ZNF248: variants seen among roughly 807,000 people sequenced by gnomAD.
ZNF248 encodes zinc finger protein 248.
ZNF248 carries 20 observed loss-of-function variants against 44.3 expected under a neutral mutation model. The observed-to-expected ratio is 0.45, with a 90% CI of 0.32 to 0.66. The LOEUF (loss-of-function observed/expected upper bound fraction) is 0.66, where lower values mean the gene tolerates loss of function less well. Ranked by LOEUF, ZNF248 falls within the 30% of genes least tolerant of loss-of-function variation. The pLI is 0.04. For missense variants in ZNF248, 654 were observed against 677.0 expected (o/e 0.97, Z 0.38); for synonymous variants, 224 against 229.0 (o/e 0.98, Z 0.20).
chr10:37,849,794 C>T (rs1049795364), intron 3 of ZNF248, among the ~76,000 whole-genome samples: 8 of 151,800 alleles, frequency 5.3e-5, no homozygotes, highest in African/African-American at 1.5e-4. Context: ...TTCAGGGGGC[C>T]GGATGCAGTG....
At chr10:37,768,956 T>C in the ZNF248 span, among the ~76,000 whole-genome samples, 8 of 152,042 alleles carry the variant, frequency 5.3e-5, no homozygotes, top group East Asian at 1.9e-4. Flanking sequence ...ACTGATCCCA[T>C]AGAAATACAA....
chr10:37,802,569 C>T (rs914212523), intron 6 of ZNF248, among the ~76,000 whole-genome samples: 2 of 152,066 alleles, frequency 1.3e-5, no homozygotes, highest in African/African-American at 4.8e-5. Flanking sequence ...ATCAATCAAG[C>T]AAATTACAAT....
intron 6 of ZNF248, among the ~76,000 whole-genome samples, chr10:37,808,055 T>C (rs1257183945): frequency 6.6e-6 from 1 of 152,188 alleles, no homozygotes; most frequent in Non-Finnish European, 1.5e-5. Flanking sequence ...CATAGCTCAT[T>C]ATGAAAGAGT....
At chr10:37,838,983 A>C (rs906266656) in intron 3 of ZNF248, among the ~76,000 whole-genome samples, 5 of 152,172 alleles carry the variant, frequency 3.3e-5, no homozygotes, top group South Asian at 2.1e-4. Context: ...ATCACCGTTG[A>C]TGGGCATTTG....
At chr10:37,842,710 A>G (rs1308138801) in intron 3 of ZNF248, among the ~76,000 whole-genome samples, 3 of 152,218 alleles carry the variant, frequency 2.0e-5, no homozygotes, top group Non-Finnish European at 4.4e-5. Context: ...AGGGGAACAA[A>G]ATATCTGCAG....
chr10:37,808,612 G>A (rs1278047319), intron 6 of ZNF248, among the ~76,000 whole-genome samples: 1 of 152,108 alleles, frequency 6.6e-6, no homozygotes, highest in Admixed American at 6.6e-5. Flanking sequence ...ACATGTTCCT[G>A]AACTCAGTTT....
chr10:37,804,156 G>C (rs1203598581), intron 6 of ZNF248, among the ~76,000 whole-genome samples: 1 of 144,924 alleles, frequency 6.9e-6, no homozygotes, highest in African/African-American at 2.6e-5. Context: ...CCAGGCTGGA[G>C]TGCAGTGGCG....
chr10:37,841,793 C>A (rs2058396603), intron 3 of ZNF248, among the ~76,000 whole-genome samples: 1 of 152,182 alleles, frequency 6.6e-6, no homozygotes, highest in African/African-American at 2.4e-5. Context: ...CCTCTGTAGT[C>A]TTCCTCTAAG....
rs898915260 is a variant in ZNF248 at position 37,788,200 on chromosome 10, G to A, written c.331-11625C>T. Among the ~76,000 whole-genome samples, 5 of 150,922 alleles carry A rather than the reference G, an allele frequency of 3.3e-5. 1 individual carries two copies. The highest frequency in any genetic ancestry group is 1.2e-4 in the African/African-American group (5 of 40,932). Reference sequence around the variant, plus strand: ...GAATCGCTTGAACCCAGGAGGTGGAGGTTGCAGTGAGCCAAGATCGTGCCG... The same window carrying A: ...GAATCGCTTGAACCCAGGAGGTGGAAGTTGCAGTGAGCCAAGATCGTGCCG... On this transcript the variant is annotated intron_variant, in intron 6 of 6. Coordinates refer to the ZNF248 transcript ENST00000615949.
At chr10:37,814,184 A>G (rs975581346) in intron 6 of ZNF248, among the ~76,000 whole-genome samples, 1 of 152,024 alleles carries the variant, frequency 6.6e-6, no homozygotes, top group Non-Finnish European at 1.5e-5. Flanking sequence ...TGTGTTCTCT[A>G]CAGCTGTTTT....
chr10:37,835,372 G>A (rs1308972721), intron 5 of ZNF248, among the ~76,000 whole-genome samples: 1 of 152,208 alleles, frequency 6.6e-6, no homozygotes, highest in African/African-American at 2.4e-5. Flanking sequence ...CAGTAACATG[G>A]AAGAATGTAC....
chr10:37,799,170 AATTAAC>A (rs1340567605), intron 6 of ZNF248, among the ~76,000 whole-genome samples: 2 of 152,258 alleles, frequency 1.3e-5, no homozygotes, highest in East Asian at 1.9e-4. Flanking sequence ...TGGAATGAAA[AATTAAC>A]ATTAACTACA....
the ZNF248 span, among the ~76,000 whole-genome samples, chr10:37,761,088 C>A: frequency 6.6e-6 from 1 of 152,102 alleles, no homozygotes; most frequent in Admixed American, 6.6e-5. Context: ...CATATGGTAA[C>A]TTTTTCATGT....
At chr10:37,767,483 GA>G in the ZNF248 span, among the ~76,000 whole-genome samples, 3 of 152,164 alleles carry the variant, frequency 2.0e-5, no homozygotes, top group Non-Finnish European at 4.4e-5. Flanking sequence ...CATTCTTAAA[GA>G]AAAGAATTTC....
chr10:37,767,415 C>T, the ZNF248 span, among the ~76,000 whole-genome samples: 3 of 152,224 alleles, frequency 2.0e-5, no homozygotes, highest in Admixed American at 6.5e-5. Context: ...ATCAGACTAA[C>T]AGCAGATCTC....
chr10:37,795,460 C>G (rs1329167325), intron 6 of ZNF248: 1 of 152,170 alleles, frequency 6.6e-6, no homozygotes, highest in Non-Finnish European at 1.5e-5. Context: ...AGTGCTTTCA[C>G]AGTCATTAAA....
the ZNF248 span, among the ~76,000 whole-genome samples, chr10:37,762,788 A>G: frequency 1.3e-5 from 2 of 152,190 alleles, no homozygotes; most frequent in East Asian, 3.9e-4. Flanking sequence ...TAGACATTTC[A>G]AGATATTGAA....
intron 6 of ZNF248, among the ~76,000 whole-genome samples, chr10:37,816,526 T>C (rs2052497586): frequency 1.3e-5 from 2 of 152,210 alleles, no homozygotes; most frequent in Non-Finnish European, 2.9e-5. Context: ...TACTGGAGGT[T>C]TGTTCTGACA....
intron 3 of ZNF248, among the ~76,000 whole-genome samples, chr10:37,847,207 AT>A (rs1305668441): frequency 6.6e-5 from 10 of 151,596 alleles, no homozygotes; most frequent in Non-Finnish European, 1.3e-4. Context: ...TTTTATTTTT[AT>A]TTTTATTTAT....
Sources: gnomAD v4.1 joint callset for allele counts (sites outside exome capture counted in the v4.1 genomes callset) on GRCh38, gnomAD v4.1.1 for gene constraint, MANE v1.5 for transcripts, NCBI Gene and HGNC (gene_info 2026-07-23, HGNC 2026-07-21) for gene names.